Variants in ACOX3 observed in about 807,000 individuals in gnomAD.
The protein encoded by ACOX3 is peroxisomal acyl-coenzyme A oxidase 3.
Under a neutral mutation model 81.5 loss-of-function variants are expected in ACOX3, and 73 were observed. The observed-to-expected ratio is 0.90, with a 90% confidence interval of 0.74 to 1.09. ACOX3 has a LOEUF of 1.09. ACOX3 is among the 50% of genes least tolerant of loss of function. ACOX3 has a pLI of 0.00. For missense variants in ACOX3, 947 were observed against 928.0 expected, an observed-to-expected ratio of 1.02 and a Z score of -0.27; for synonymous variants, 387 against 375.1, an observed-to-expected ratio of 1.03 and a Z score of -0.37.
chr4:8,394,666 A>G lies in ACOX3; in HGVS notation c.1133T>C (p.Val378Ala). 6.2e-7 allele frequency: 1 copy of G among 1,613,900 alleles called. No homozygotes were observed. The highest frequency in any genetic ancestry group is 2.2e-5 in the East Asian group (1 of 44,886). The change falls in exon 10 of 18, where the codon GTG becomes GCG. Residue 378 changes from valine (V) to alanine (A), a missense_variant. By Grantham distance (64) the Val-to-Ala change is moderately conservative (BLOSUM62 0). Coordinates refer to ENST00000356406, the MANE Select transcript of ACOX3 (RefSeq NM_003501.3). The surrounding 1 kb of genome is among the most constrained non-coding windows in gnomAD (Gnocchi z 5.9). ...HFSKSLFLDLVELQRGLASGD... is the reference protein window; with the variant it reads ...HFSKSLFLDLAELQRGLASGD... ...CGATGCAAGTCCTCGCTGGAGCTCC[A>G]CCAGGTCCAGGAAGAGCGACTTGGA...
rs546852308 is a variant in ACOX3, at chr4:8,383,140, C to T, written c.1538-1533G>A. Among the ~76,000 whole-genome samples the T allele has an allele frequency of 6.6e-5, 10 of 152,348 alleles. No homozygotes were observed. In the East Asian group the frequency reaches 1.2e-3, roughly 18 times the overall value. ...GAGCAGGCCGTTTCCCAGGCTCACA[C>T]GTCAGGCGGCTTGCCGGAGGTCTCA... On this transcript the variant is annotated intron_variant, in intron 13 of 17. Transcript: ENST00000356406.
chr4:8,376,325 TGA>T (rs1431041552), intron 14 of ACOX3, among the ~76,000 whole-genome samples: 1 of 148,946 alleles, frequency 6.7e-6, no homozygotes, highest in Non-Finnish European at 1.5e-5. Context: ...CTTGTTAGGA[TGA>T]GCAGGTGCTA....
downstream of ACOX3, among the ~76,000 whole-genome samples, chr4:8,361,309 C>T (rs1715227182): frequency 6.6e-6 from 1 of 151,128 alleles, no homozygotes; most frequent in Admixed American, 6.6e-5. Flanking sequence ...GCCTGTAGTC[C>T]CAGCTACTCA....
At chr4:8,360,194 T>C in the ACOX3 span, among the ~76,000 whole-genome samples, 2 of 152,236 alleles carry the variant, frequency 1.3e-5, no homozygotes, top group African/African-American at 4.8e-5. Context: ...ATAAGTTCTT[T>C]ATCTTCTATG....
chr4:8,389,187 C>T lies in ACOX3; in HGVS notation c.1523G>A (p.Cys508Tyr), dbSNP rs1718666883. The T allele has an allele frequency of 6.2e-7, 1 of 1,613,662 alleles. No individual in the cohort carries two copies. The highest frequency in any genetic ancestry group is 1.7e-5 in the Admixed American group (1 of 59,972). Residue 508 changes from cysteine to tyrosine, a missense_variant, in exon 13 of 18, where the codon TGC (cysteine) becomes TAC (tyrosine). Cys to Tyr is a radical substitution (Grantham distance 194, BLOSUM62 -2). Coordinates refer to ENST00000356406, the MANE Select transcript of ACOX3 (RefSeq NM_003501.3). The surrounding 1 kb of genome is among the most constrained non-coding windows in gnomAD (Gnocchi z 5.3). ...TGTGTGTTTACCTGCAGAGTCCAAG[C>T]AGTCGGCAACACTGGAGACCTCAAA... ...QKFEVSSVAD[C>Y]LDSAVALAAY...
intron 9 of ACOX3, among the ~76,000 whole-genome samples, chr4:8,396,340 C>A (rs910306351): frequency 6.6e-6 from 1 of 152,236 alleles, no homozygotes; most frequent in Non-Finnish European, 1.5e-5. Context: ...CTCACCTGAA[C>A]GTGCGGCCGT....
chr4:8,371,049 C>A (rs966797554), intron 16 of ACOX3, 55 bp from the exon 17 acceptor site: 21 of 1,558,698 alleles, frequency 1.3e-5, no homozygotes, highest in Non-Finnish European at 1.8e-5. Flanking sequence ...TCCATGGTGA[C>A]CAAAGCATAA....
chr4:8,420,730 A>G (rs557570293), intron 1 of ACOX3, among the ~76,000 whole-genome samples: 1 of 152,296 alleles, frequency 6.6e-6, no homozygotes, highest in African/African-American at 2.4e-5. Context: ...GCTCGAGCTG[A>G]GCTATCACTT....
chr4:8,392,394 C>A lies in ACOX3; in HGVS notation c.1239G>T (p.Trp413Cys), dbSNP rs1427482170. 6.2e-7 allele frequency: 1 copy of A among 1,609,376 alleles called. No homozygotes were observed. Among genetic ancestry groups the A allele is most frequent in the Non-Finnish European group, 8.5e-7 (1 of 1,178,530 alleles). The change falls in exon 11 of 18, where the codon TGG becomes TGT. Residue 413 changes from tryptophan (W) to cysteine (C), a missense_variant. Trp to Cys is a radical substitution (Grantham distance 215). Transcript: ENST00000356406. ...ATTCCTGAATTCCTTGCTGGGTGGT[C>A]CACGAGGCCAGGGGCTTGCTGGCCG... is the stretch of plus-strand genomic sequence containing the variant. Reference protein sequence around the residue: ...LASASKPLASWTTQQGIQECR... With the variant: ...LASASKPLASCTTQQGIQECR...
chr4:8,367,806 CAAAAAAAAAAA>C (rs535574857), intron 17 of ACOX3, among the ~76,000 whole-genome samples: 45 of 46,720 alleles, frequency 9.6e-4, no homozygotes, highest in African/African-American at 2.8e-3. Flanking sequence ...CCCATCTTTA[CAAAAAAAAAAA>C]AAAAAAAAAA....
chr4:8,383,839 C>T (rs1168296764), intron 13 of ACOX3, among the ~76,000 whole-genome samples: 1 of 152,204 alleles, frequency 6.6e-6, no homozygotes, highest in East Asian at 1.9e-4. Flanking sequence ...CTCTCCCCAG[C>T]AGGGCAGATG....
Position 8,385,312 on chromosome 4 carries a change from G to A in ACOX3, c.1538-3705C>T, listed in dbSNP as rs143101117. On this transcript the variant is annotated intron_variant, in intron 13 of 17. Coordinates refer to ENST00000356406, the MANE Select transcript of ACOX3 (RefSeq NM_003501.3). This position sits in a 1 kb window ranked among gnomAD's most constrained non-coding sequence, Gnocchi z 5.5. ...CACCGCTCCCCCACGTGACTCCACCGCTCACCTGTGACCTCACTGCTCACC... is the reference window on the plus strand; with the variant it reads ...CACCGCTCCCCCACGTGACTCCACCACTCACCTGTGACCTCACTGCTCACC... Among the ~76,000 whole-genome samples the A allele has an allele frequency of 6.8e-4, 103 of 150,814 alleles. No individual in the cohort carries two copies. Among genetic ancestry groups the A allele is most frequent in the South Asian group, 4.2e-3 (20 of 4,748 alleles).
chr4:8,395,489 C>T (rs912375286), intron 9 of ACOX3, among the ~76,000 whole-genome samples: 4 of 152,224 alleles, frequency 2.6e-5, no homozygotes, highest in African/African-American at 7.2e-5. Flanking sequence ...CATGGTCTAA[C>T]GTGTCAAGAG....
chr4:8,411,099 G>A (rs976705304), intron 5 of ACOX3, among the ~76,000 whole-genome samples: 3 of 152,230 alleles, frequency 2.0e-5, no homozygotes, highest in Admixed American at 2.0e-4. Context: ...GTAAGGCTGG[G>A]AGGGAGGATG....
chr4:8,371,776 G>A (rs73085874), intron 16 of ACOX3, among the ~76,000 whole-genome samples: 2,994 of 152,376 alleles, frequency 0.02, 114 homozygotes, highest in African/African-American at 0.069. Flanking sequence ...CACTGCTCCC[G>A]GAGAGAAGCT....
At chr4:8,391,928 C>G (rs1227897678) in intron 11 of ACOX3, among the ~76,000 whole-genome samples, 1 of 152,244 alleles carries the variant, frequency 6.6e-6, no homozygotes, top group Non-Finnish European at 1.5e-5. Flanking sequence ...TAGTTTACTA[C>G]CAAGCTGTTA....
At position 8,384,910 on chromosome 4, in the gene ACOX3, T is replaced by G. The variant is rs1357811468; in HGVS notation, c.1538-3303A>C. 8.5e-5 allele frequency among the ~76,000 whole-genome samples: 13 copies of G among 152,152 alleles called. No homozygotes were observed. The highest frequency in any genetic ancestry group is 8.5e-4 in the Admixed American group (13 of 15,290). Reference sequence around the variant, plus strand: ...CCAAAAGCACAACGCACGGACCCTCTGAGACACCCTCAGGTGCCAGTTTTG... The same window carrying G: ...CCAAAAGCACAACGCACGGACCCTCGGAGACACCCTCAGGTGCCAGTTTTG... On this transcript the variant is annotated intron_variant, in intron 13 of 17. Transcript: ENST00000356406. The surrounding 1 kb of genome is among the most constrained non-coding windows in gnomAD (Gnocchi z 5.3).
chr4:8,425,941 GA>G (rs1157969964), intron 1 of ACOX3, among the ~76,000 whole-genome samples: 2 of 152,016 alleles, frequency 1.3e-5, no homozygotes, highest in Non-Finnish European at 1.5e-5. Context: ...GGAAGGTCGA[GA>G]AAATGAACGA....
At chr4:8,364,995 T>C (rs992012197), downstream of ACOX3, among the ~76,000 whole-genome samples, 4 of 151,974 alleles carry the variant, frequency 2.6e-5, no homozygotes, top group Admixed American at 1.3e-4. The surrounding 1 kb of genome is among the most constrained non-coding windows in gnomAD (Gnocchi z 5.0). Context: ...GCCTGTTCCT[T>C]CTCGCTTAGA....
Sources: gnomAD v4.1 joint callset for allele counts (sites outside exome capture counted in the v4.1 genomes callset) on GRCh38, gnomAD v4.1.1 for gene constraint, Gnocchi (gnomAD v3.1) non-coding constraint, MANE v1.5 for transcripts, NCBI Gene and HGNC (gene_info 2026-07-23, HGNC 2026-07-21) for gene names.